Variants in ENPP1 observed in about 807,000 individuals in gnomAD.
The protein encoded by ENPP1 is ectonucleotide pyrophosphatase/phosphodiesterase 1, also known as ectonucleotide pyrophosphatase/phosphodiesterase family member 1.
A neutral mutation model predicts 122.8 loss-of-function variants in ENPP1; 73 were observed. The observed-to-expected ratio is 0.59, with a 90% CI of 0.49 to 0.72. ENPP1 has a LOEUF of 0.72. Among genes scored for constraint, ENPP1 ranks in the 30% least tolerant of loss-of-function variants. The pLI, the probability that ENPP1 is intolerant of heterozygous loss-of-function variation, is 0.00. For missense variants in ENPP1, 978 were observed against 1,128.1 expected, an observed-to-expected ratio of 0.87 and a Z score of 1.91; for synonymous variants, 367 against 391.6, an observed-to-expected ratio of 0.94 and a Z score of 0.74.
At chr6:131,829,944 T>TGGAGTCTG (rs768330668) in intron 1 of ENPP1, among the ~76,000 whole-genome samples, 1 of 152,174 alleles carries the variant, frequency 6.6e-6, no homozygotes, top group Non-Finnish European at 1.5e-5. Context: ...GTCTGATGCT[T>TGGAGTCTG]GGAGTCTGGG....
chr6:131,823,973 A>G (rs957006956), intron 1 of ENPP1, among the ~76,000 whole-genome samples: 6 of 150,652 alleles, frequency 4.0e-5, no homozygotes, highest in Admixed American at 3.3e-4. Flanking sequence ...ACTAGATGGT[A>G]GATCGGGGTT....
At chr6:131,834,944 G>A (rs1273336329) in intron 1 of ENPP1, among the ~76,000 whole-genome samples, 1 of 152,146 alleles carries the variant, frequency 6.6e-6, no homozygotes, top group African/African-American at 2.4e-5. Flanking sequence ...CCAGAGAGAA[G>A]TAAATTTGTA....
At chr6:131,870,298 G>A (rs1300461727) in intron 13 of ENPP1, among the ~76,000 whole-genome samples, 1 of 152,140 alleles carries the variant, frequency 6.6e-6, no homozygotes, top group African/African-American at 2.4e-5. Context: ...AATAAAGAAT[G>A]TATCTTTTAC....
intron 1 of ENPP1, among the ~76,000 whole-genome samples, chr6:131,822,741 G>A (rs1409183): frequency 0.89 from 134,817 of 152,172 alleles, 59,983 homozygotes; most frequent in East Asian, 1. Context: ...CCTCAATTCA[G>A]TAGGTAATCT....
At chr6:131,813,393 G>T (rs1041245143) in intron 1 of ENPP1, among the ~76,000 whole-genome samples, 1 of 152,012 alleles carries the variant, frequency 6.6e-6, no homozygotes, top group African/African-American at 2.4e-5. Context: ...AGCAGGGCAT[G>T]GTAGTACATG....
At chr6:131,847,638 C>A in intron 1 of ENPP1, 138 bp from the exon 2 acceptor site, 1 of 638,114 alleles carries the variant, frequency 1.6e-6, no homozygotes, top group Admixed American at 2.6e-5. Flanking sequence ...GCCAGGATTT[C>A]GAGGTTACAG....
At chr6:131,882,678 G>A (rs1447893384) in intron 21 of ENPP1, among the ~76,000 whole-genome samples, 1 of 144,344 alleles carries the variant, frequency 6.9e-6, no homozygotes, top group East Asian at 2.0e-4. Context: ...TATATATATA[G>A]CTTTGTTTAT....
At chr6:131,818,412 C>T (rs186033515) in intron 1 of ENPP1, among the ~76,000 whole-genome samples, 23 of 151,828 alleles carry the variant, frequency 1.5e-4, no homozygotes, top group Middle Eastern at 3.4e-3. Context: ...TTTGGGAGGC[C>T]GAGGCGGGTG....
chr6:131,818,221 T>C (rs1398145741), intron 1 of ENPP1, among the ~76,000 whole-genome samples: 2 of 151,710 alleles, frequency 1.3e-5, no homozygotes, highest in Admixed American at 6.6e-5. Flanking sequence ...ATTAAAGGAG[T>C]GATGGCACCT....
chr6:131,846,387 G>C (rs6569761), intron 1 of ENPP1, among the ~76,000 whole-genome samples: 49,610 of 151,972 alleles, frequency 0.33, 13,932 homozygotes, highest in African/African-American at 0.77. Flanking sequence ...GCCTGCCTTC[G>C]TGGAACCCTT....
At chr6:131,876,957 C>A (rs1333483414) in intron 17 of ENPP1, 35 bp from the exon 18 acceptor site, 8 of 1,602,116 alleles carry the variant, frequency 5.0e-6, no homozygotes, top group Non-Finnish European at 6.8e-6. Context: ...TGATTTGAAA[C>A]ATCTAAGTAA....
Position 131,876,974 on chromosome 6 carries a change from C to T in ENPP1, c.1724-18C>T. 2 of 1,612,022 alleles carry T rather than the reference C, an allele frequency of 1.2e-6. No individual in the cohort carries two copies. Among genetic ancestry groups the T allele is most frequent in the Non-Finnish European group, 1.7e-6 (2 of 1,178,164 alleles). On this transcript the variant is annotated intron_variant, in intron 17 of 24. Transcript: ENST00000647893. Reference sequence around the variant, plus strand: ...ATTTGAAACATCTAAGTAACTCTACCATCTTGAAATTATGCAGATTTACTG... The same window carrying T: ...ATTTGAAACATCTAAGTAACTCTACTATCTTGAAATTATGCAGATTTACTG...
chr6:131,847,808 T>G lies in ENPP1; in HGVS notation c.273T>G (p.Leu91=), dbSNP rs188509861. The G allele has an allele frequency of 2.7e-5, 44 of 1,612,404 alleles. No individual in the cohort carries two copies. The highest frequency in any genetic ancestry group is 3.6e-5 in the Non-Finnish European group (42 of 1,179,596). Residue 91 remains leucine (L), a synonymous_variant, in exon 2 of 25, where the codon CTT becomes CTG. Coordinates refer to ENST00000647893, the MANE Select transcript of ENPP1 (RefSeq NM_006208.3). ...VLSVCVLTTI[L]GCIFGLKPSC... ...CAGTATGTGTGTTAACAACAATACT[T>G]GGTTGTATATTTGGGTTGAAACCAA...
chr6:131,813,783 A>G (rs1781383746), intron 1 of ENPP1, among the ~76,000 whole-genome samples: 3 of 152,064 alleles, frequency 2.0e-5, no homozygotes, highest in Admixed American at 1.3e-4. Context: ...TTTGACTGAG[A>G]GCTCAGTTTT....
intron 1 of ENPP1, among the ~76,000 whole-genome samples, chr6:131,817,134 C>G (rs1456316869): frequency 6.6e-6 from 1 of 150,652 alleles, no homozygotes; most frequent in Non-Finnish European, 1.5e-5. Flanking sequence ...AGGCAAAAGC[C>G]ACACCATTAG....
chr6:131,815,871 AT>A (rs750091125), intron 1 of ENPP1, among the ~76,000 whole-genome samples: 49,103 of 115,750 alleles, frequency 0.42, 8,076 homozygotes, highest in East Asian at 0.59. Context: ...CACCTGGCTA[AT>A]TTTTTTTTTT....
At chr6:131,844,384 A>T (rs1175263374) in intron 1 of ENPP1, among the ~76,000 whole-genome samples, 2 of 152,272 alleles carry the variant, frequency 1.3e-5, no homozygotes, top group African/African-American at 4.8e-5. Flanking sequence ...CTGTGCAAAT[A>T]GCAAGTGCAA....
intron 6 of ENPP1, among the ~76,000 whole-genome samples, chr6:131,856,358 T>C (rs1312699269): frequency 1.3e-5 from 2 of 150,942 alleles, no homozygotes; most frequent in African/African-American, 4.9e-5. Context: ...CTTGTAAATT[T>C]GTTTGAGTTC....
At chr6:131,857,405 G>A (rs1182879642) in intron 6 of ENPP1, among the ~76,000 whole-genome samples, 1 of 149,964 alleles carries the variant, frequency 6.7e-6, no homozygotes, top group Non-Finnish European at 1.5e-5. Context: ...CAACCCAAAT[G>A]TCCAACAATG....
Sources: gnomAD v4.1 joint callset for allele counts (sites outside exome capture counted in the v4.1 genomes callset) on GRCh38, gnomAD v4.1.1 for gene constraint, MANE v1.5 for transcripts, NCBI Gene and HGNC (gene_info 2026-07-23, HGNC 2026-07-21) for gene names.